Variants in ZNF142 observed in about 807,000 individuals in gnomAD.
The protein encoded by ZNF142 is zinc finger protein 142.
A neutral mutation model predicts 132.1 loss-of-function variants in ZNF142; 96 were observed. That is an observed-to-expected ratio of 0.73 (90% CI 0.62 to 0.86). The LOEUF (loss-of-function observed/expected upper bound fraction) is 0.86. ZNF142 is among the 40% of genes least tolerant of loss of function. The pLI, the probability that ZNF142 is intolerant of heterozygous loss-of-function variation, is 0.00. For missense variants in ZNF142, 2,163 were observed against 2,336.2 expected (o/e 0.93, Z 1.53); for synonymous variants, 842 against 890.1 (o/e 0.95, Z 0.96).
At chr2:218,654,183 G>A (rs891804059) in intron 4 of ZNF142, among the ~76,000 whole-genome samples, 2 of 152,126 alleles carry the variant, frequency 1.3e-5, no homozygotes, top group African/African-American at 4.8e-5. Flanking sequence ...TAATTCCGGT[G>A]TCTTTGTGCA....
intron 4 of ZNF142, among the ~76,000 whole-genome samples, chr2:218,654,213 G>A (rs538504890): frequency 6.6e-6 from 1 of 152,194 alleles, no homozygotes; most frequent in African/African-American, 2.4e-5. Flanking sequence ...TGGAATTAGT[G>A]GTCAGAGTAT....
At position 218,656,201 on chromosome 2, in the gene ZNF142, C is replaced by A. The variant is rs1420783479; in HGVS notation, c.229G>T (p.Val77Leu). 1 of 1,612,022 alleles carries A rather than the reference C, an allele frequency of 6.2e-7. No individual in the cohort carries two copies. The highest frequency in any genetic ancestry group is 1.1e-5 in the South Asian group (1 of 90,462). Residue 77 changes from valine to leucine, a missense_variant, in exon 4 of 11, where the codon GTG becomes TTG. Physicochemically the swap from Val to Leu is conservative, Grantham distance 32. Transcript: ENST00000411696. ...GTCAGGGTTCCAGCTACTGTCTCCA[C>A]AATGATCTCCATGTTCCCTGGTCCC... The part of the protein sequence containing the change: ...EEGPGNMEII[V>L]ETVAGTLTPG...
intron 4 of ZNF142, among the ~76,000 whole-genome samples, chr2:218,655,260 A>G (rs1222436105): frequency 1.3e-5 from 2 of 152,058 alleles, no homozygotes; most frequent in Non-Finnish European, 2.9e-5. Flanking sequence ...CACCATATGG[A>G]AGTTTGGAAA....
At chr2:218,645,173 G>A in intron 8 of ZNF142, 109 bp from the exon 9 acceptor site, 1 of 1,375,612 alleles carries the variant, frequency 7.3e-7, no homozygotes, top group Non-Finnish European at 9.8e-7. Flanking sequence ...TATCATACAT[G>A]TGTCACCTGA....
Position 218,644,997 on chromosome 2 carries a change from G to A in ZNF142, c.2119C>T (p.His707Tyr), listed in dbSNP as rs1697607781. Reference sequence around the variant, plus strand: ...TCACACATCAGAGACTTGCCCTGATGCCGCAGCTTGTGGCTGCTCAGCTGA... The same window carrying A: ...TCACACATCAGAGACTTGCCCTGATACCGCAGCTTGTGGCTGCTCAGCTGA... ...ADQLSSHKLRHQGKSLMCEVC... is the reference protein window; with the variant it reads ...ADQLSSHKLRYQGKSLMCEVC... Residue 707 changes from histidine to tyrosine, a missense_variant, in exon 9 of 11, where the codon CAT (histidine) becomes TAT (tyrosine). This residue lies in a region of ZNF142 where 749 missense variants were observed against 830.3 expected (regional missense o/e 0.90). Coordinates refer to ENST00000411696, the MANE Select transcript of ZNF142 (RefSeq NM_001379659.1). The surrounding 1 kb of genome is among the most constrained non-coding windows in gnomAD (Gnocchi z 4.6). The A allele has an allele frequency of 1.2e-6, 2 of 1,614,066 alleles. No individual in the cohort carries two copies. Among genetic ancestry groups the A allele is most frequent in the Non-Finnish European group, 1.7e-6 (2 of 1,179,992 alleles).
Position 218,649,353 on chromosome 2 carries a change from G to T in ZNF142, c.1155C>A (p.His385Gln). ...GGCACTGGAGGCTGGGGTCTGGGAA[G>T]TGGAGATGCAGGTGCTCCACCAGAT... is the stretch of plus-strand genomic sequence containing the variant. Reference protein sequence around the residue: ...RTHLVEHLHLHFPDPSLQCPN... With the variant: ...RTHLVEHLHLQFPDPSLQCPN... Residue 385 changes from histidine (H) to glutamine (Q), a missense_variant, in exon 7 of 11, where the codon CAC becomes CAA. Transcript: ENST00000411696. The T allele has an allele frequency of 6.2e-7, 1 of 1,614,250 alleles. No homozygotes were observed. The highest frequency in any genetic ancestry group is 1.3e-5 in the African/African-American group (1 of 75,064).
At chr2:218,641,022 C>A (rs1473476620) in intron 9 of ZNF142, among the ~76,000 whole-genome samples, 1 of 151,438 alleles carries the variant, frequency 6.6e-6, no homozygotes, top group African/African-American at 2.4e-5. Context: ...GCAGCCTTAA[C>A]CTCCTGGGCT....
rs569375049 is a variant in ZNF142, at chr2:218,644,236, C to T, written c.2880G>A (p.Lys960=). Reference sequence around the variant, plus strand: ...GATTTGTGGAGGGCTCAGACACTGGCTTTTCCAGAAGGGGATTTTCTTCAG... The same window carrying T: ...GATTTGTGGAGGGCTCAGACACTGGTTTTTCCAGAAGGGGATTTTCTTCAG... The part of the protein sequence containing the change: ...LSAEENPLLE[K]PVSEPSTNPP... Residue 960 remains lysine (K), a synonymous_variant, in exon 9 of 11, where the codon AAG becomes AAA. Transcript: ENST00000411696. The surrounding 1 kb of genome is among the most constrained non-coding windows in gnomAD (Gnocchi z 4.6). 2.5e-6 allele frequency: 4 copies of T among 1,614,108 alleles called. No individual in the cohort carries two copies. The highest frequency in any genetic ancestry group is 2.7e-5 in the African/African-American group (2 of 75,014).
chr2:218,645,609 T>C (rs979166476), intron 8 of ZNF142, among the ~76,000 whole-genome samples: 5 of 152,168 alleles, frequency 3.3e-5, no homozygotes, highest in African/African-American at 9.7e-5. Flanking sequence ...AGTGACACCT[T>C]AGTCTCTAGG....
chr2:218,647,015 CAGAAT>C (rs1697785493), intron 7 of ZNF142, among the ~76,000 whole-genome samples: 1 of 143,910 alleles, frequency 6.9e-6, no homozygotes, highest in South Asian at 2.2e-4. Flanking sequence ...GACAACAGAA[CAGAAT>C]GGTCAAGAAT....
In ZNF142 at chr2:218,649,342, G is replaced by A. The variant is rs1048079372; in HGVS notation, c.1166C>T (p.Pro389Leu). 3.7e-6 allele frequency: 6 copies of A among 1,614,118 alleles called. No individual in the cohort carries two copies. In the African/African-American group the frequency reaches 8.0e-5, roughly 22 times the overall value. Residue 389 changes from proline (P) to leucine (L), a missense_variant, in exon 7 of 11, where the codon CCC becomes CTC. Physicochemically the swap from Pro to Leu is moderately conservative, Grantham distance 98. Transcript: ENST00000411696. The stretch of plus-strand genomic sequence containing the variant: ...CTGGCAGTTAGGGCACTGGAGGCTG[G>A]GGTCTGGGAAGTGGAGATGCAGGTG... ...VEHLHLHFPDPSLQCPNCQKF... is the reference protein window; with the variant it reads ...VEHLHLHFPDLSLQCPNCQKF...
chr2:218,649,949 CT>C (rs1468449921), intron 6 of ZNF142, among the ~76,000 whole-genome samples: 1 of 152,192 alleles, frequency 6.6e-6, no homozygotes, highest in African/African-American at 2.4e-5. Context: ...AACTATGCTC[CT>C]TGTGGGATGA....
At position 218,651,700 on chromosome 2, in the gene ZNF142, C is replaced by T; in HGVS notation, c.880+1G>A. ...GAACTGCTTGGCCCTTGGCCTCATACCTGGCAGCAGCTCCTGGGATGGAAG... is the reference window on the plus strand; with the variant it reads ...GAACTGCTTGGCCCTTGGCCTCATATCTGGCAGCAGCTCCTGGGATGGAAG... On this transcript the variant is annotated splice_donor_variant, in intron 5 of 10. Coordinates refer to ENST00000411696, the MANE Select transcript of ZNF142 (RefSeq NM_001379659.1). LOFTEE classifies it high-confidence loss of function. 7.8e-7 allele frequency: 1 copy of T among 1,279,956 alleles called. No homozygotes were observed. Among genetic ancestry groups the T allele is most frequent in the South Asian group, 1.3e-5 (1 of 79,298 alleles). The allele number at this position is 1,279,956 out of a possible 1,614,324, so 79.3% of individuals were successfully genotyped here.
chr2:218,643,822 G>A lies in ZNF142; in HGVS notation c.3294C>T (p.Gly1098=). ...KCPVLLRKNK[G]LPRPDSPIPL... ...GGATGGGTGAATCTGGTCTGGGCAA[G>A]CCCTTGTTCTTTCTGAGTAGAACAG... Residue 1098 remains glycine (G), a synonymous_variant, in exon 9 of 11, where the codon GGC becomes GGT. Coordinates refer to ENST00000411696, the MANE Select transcript of ZNF142 (RefSeq NM_001379659.1). 1 of 1,613,104 alleles carries A rather than the reference G, an allele frequency of 6.2e-7. No homozygotes were observed. The highest frequency in any genetic ancestry group is 8.5e-7 in the Non-Finnish European group (1 of 1,179,378).
At chr2:218,652,993 T>A (rs11387913) in intron 4 of ZNF142, among the ~76,000 whole-genome samples, 1 of 134,226 alleles carries the variant, frequency 7.5e-6, no homozygotes, top group African/African-American at 2.8e-5. Context: ...AAAAAAAAAA[T>A]TTCAGGGCCA....
chr2:218,644,343 G>A lies in ZNF142; in HGVS notation c.2773C>T (p.Pro925Ser). The A allele has an allele frequency of 5.6e-6, 9 of 1,614,102 alleles. No homozygotes were observed. The highest frequency in any genetic ancestry group is 1.6e-4 in the Middle Eastern group (1 of 6,062). Residue 925 changes from proline to serine, a missense_variant, in exon 9 of 11, where the codon CCC (proline) becomes TCC (serine). This residue lies in a region of ZNF142 where 749 missense variants were observed against 830.3 expected (regional missense o/e 0.90). Coordinates refer to ENST00000411696, the MANE Select transcript of ZNF142 (RefSeq NM_001379659.1). This position sits in a 1 kb window ranked among gnomAD's most constrained non-coding sequence, Gnocchi z 4.6. ...CCATCTGGCCCTTCCAGTCCCAGGG[G>A]CCTGAACTCCATAGGGGCTGTTTCA... ...VTETAPMEFR[P>S]LGLEGPDGLE...
At position 218,637,970 on chromosome 2, in the gene ZNF142, T is replaced by C; in HGVS notation, c.*369A>G. ...AGGCACAACAGCACATGCGGTTAGA[T>C]ACAACTGTTTTTAGAAGATTCTGAA... is the stretch of plus-strand genomic sequence containing the variant. On this transcript the variant is annotated 3_prime_UTR_variant, in exon 11 of 11. Coordinates refer to ENST00000411696, the MANE Select transcript of ZNF142 (RefSeq NM_001379659.1). The C allele has an allele frequency of 5.5e-6, 1 of 182,400 alleles. No homozygotes were observed. Among genetic ancestry groups the C allele is most frequent in the Non-Finnish European group, 1.1e-5 (1 of 88,738 alleles). 11.3% of individuals were successfully genotyped at this position (182,400 alleles called of 1,614,324 possible). A position where few individuals can be genotyped will look rare whatever the true frequency, so the allele number is the denominator to read the frequency against.
rs753941890 is a variant in ZNF142, at chr2:218,652,224, G to C, written c.357C>G (p.Ala119=). ...EQSFAEPTLL[A]LHQCSETHIQ... is the part of the protein sequence containing the mutation. Reference sequence around the variant, plus strand: ...TATGGGTCTCACTGCACTGGTGCAGGGCCAGCAGAGTGGGCTCTGCGAAGC... The same window carrying C: ...TATGGGTCTCACTGCACTGGTGCAGCGCCAGCAGAGTGGGCTCTGCGAAGC... Residue 119 remains alanine, a synonymous_variant, in exon 5 of 11, where the codon GCC becomes GCG. Transcript: ENST00000411696. 12 of 456,802 alleles carry C rather than the reference G, an allele frequency of 2.6e-5. No homozygotes were observed. Among genetic ancestry groups the C allele is most frequent in the South Asian group, 1.9e-4 (12 of 64,572 alleles). The allele number at this position is 456,802 out of a possible 1,614,324, so 28.3% of individuals were successfully genotyped here.
In ZNF142 at chr2:218,642,497, G is replaced by A; in HGVS notation, c.4619C>T (p.Pro1540Leu). 6.8e-6 allele frequency: 11 copies of A among 1,607,576 alleles called. No individual in the cohort carries two copies. Among genetic ancestry groups the A allele is most frequent in the Admixed American group, 1.7e-5 (1 of 59,816 alleles). ...CSRCGLLCPS[P>L]ASLRGHTRKQ... ...ACGGGTGTGTCCTCGTAAGCTGGCA[G>A]GGCTGGGGCACAGCAACCCACAGCG... Residue 1540 changes from proline (P) to leucine (L), a missense_variant, in exon 9 of 11, where the codon CCT (proline) becomes CTT (leucine). This residue lies in a region of ZNF142 where 809 missense variants were observed against 801.7 expected (regional missense o/e 1.01). Transcript: ENST00000411696. This position sits in a 1 kb window ranked among gnomAD's most constrained non-coding sequence, Gnocchi z 4.6.
Sources: gnomAD v4.1 joint callset for allele counts (sites outside exome capture counted in the v4.1 genomes callset) on GRCh38, gnomAD v4.1.1 for gene constraint, gnomAD v4.1.1 regional missense constraint, Gnocchi (gnomAD v3.1) non-coding constraint, MANE v1.5 for transcripts, NCBI Gene and HGNC (gene_info 2026-07-23, HGNC 2026-07-21) for gene names.